CKAP5: variants seen among roughly 807,000 people sequenced by gnomAD.
The protein encoded by CKAP5 is cytoskeleton associated protein 5.
A neutral mutation model predicts 232.8 loss-of-function variants in CKAP5; 27 were observed. The ratio of observed to expected loss-of-function variants is 0.12; its 90% CI spans 0.09 to 0.16. The LOEUF (loss-of-function observed/expected upper bound fraction) is 0.16, where lower values mean the gene tolerates loss of function less well. Ranked by LOEUF, CKAP5 falls within the 10% of genes least tolerant of loss-of-function variation. CKAP5 has a pLI of 1.00. For missense variants in CKAP5, 1,838 were observed against 2,424.7 expected (o/e 0.76, Z 5.08); for synonymous variants, 785 against 841.1 (o/e 0.93, Z 1.16).
At chr11:46,797,562 A>G (rs1455107022) in intron 11 of CKAP5, among the ~76,000 whole-genome samples, 4 of 152,176 alleles carry the variant, frequency 2.6e-5, no homozygotes, top group African/African-American at 7.2e-5. Flanking sequence ...GAACACCAGT[A>G]TATGGGACAA....
At chr11:46,832,121 A>G (rs1939807366) in intron 1 of CKAP5, among the ~76,000 whole-genome samples, 2 of 152,120 alleles carry the variant, frequency 1.3e-5, no homozygotes, top group Admixed American at 1.3e-4. Context: ...CAGCCTCCCA[A>G]AGTGCTGGGA....
chr11:46,745,667 A>T (rs1413463505), intron 42 of CKAP5, among the ~76,000 whole-genome samples: 1 of 152,102 alleles, frequency 6.6e-6, no homozygotes, highest in African/African-American at 2.4e-5. Context: ...ACAAAAAGAG[A>T]CCCTGGCTGG....
At chr11:46,811,626 G>A (rs1393396366) in intron 4 of CKAP5, among the ~76,000 whole-genome samples, 1 of 151,998 alleles carries the variant, frequency 6.6e-6, no homozygotes, top group South Asian at 2.1e-4. Context: ...ACAGGCATGC[G>A]CCACCACGCC....
chr11:46,757,556 A>G (rs979722237), intron 35 of CKAP5, among the ~76,000 whole-genome samples: 5 of 151,730 alleles, frequency 3.3e-5, no homozygotes, highest in Non-Finnish European at 5.9e-5. Context: ...GGGTTGTTTT[A>G]TTTTTTATTT....
chr11:46,809,645 A>G, intron 6 of CKAP5, 97 bp downstream of exon 6: 1 of 1,459,416 alleles, frequency 6.9e-7, no homozygotes, highest in Middle Eastern at 1.7e-4. Context: ...ATTTTATTAA[A>G]GGCAATCCTA....
intron 1 of CKAP5, among the ~76,000 whole-genome samples, chr11:46,831,663 G>C (rs1243956714): frequency 6.6e-6 from 1 of 151,740 alleles, no homozygotes; most frequent in Non-Finnish European, 1.5e-5. Context: ...TGAGTAGCTA[G>C]GACTACTGGG....
At chr11:46,809,528 T>G (rs2134671088) in intron 6 of CKAP5, 28 bp from the exon 7 acceptor site, 1 of 1,525,180 alleles carries the variant, frequency 6.6e-7, no homozygotes, top group Non-Finnish European at 9.0e-7. Flanking sequence ...ACACAAACCT[T>G]AAAAATGCTT....
chr11:46,822,588 A>C (rs1939561205), intron 1 of CKAP5, among the ~76,000 whole-genome samples: 1 of 151,944 alleles, frequency 6.6e-6, no homozygotes, highest in African/African-American at 2.4e-5. Flanking sequence ...CATCTCTATT[A>C]AAAACACAAA....
At chr11:46,821,302 C>G in intron 1 of CKAP5, 34 bp from the exon 2 acceptor site, 3 of 999,138 alleles carry the variant, frequency 3.0e-6, no homozygotes, top group Non-Finnish European at 3.1e-6. Flanking sequence ...TGCTTAGCAA[C>G]CAGGCAGTCT....
chr11:46,773,746 G>A (rs948342723), intron 24 of CKAP5, among the ~76,000 whole-genome samples: 3 of 151,448 alleles, frequency 2.0e-5, no homozygotes, highest in Admixed American at 1.3e-4. Flanking sequence ...GTTTCACCAT[G>A]TTGGGCAGGC....
rs755755572 is a variant in CKAP5, at chr11:46,818,473, C to T, written c.88G>A (p.Glu30Lys). The T allele has an allele frequency of 3.8e-6, 6 of 1,597,530 alleles. No individual in the cohort carries two copies. Among genetic ancestry groups the T allele is most frequent in the Non-Finnish European group, 4.3e-6 (5 of 1,174,884 alleles). ...ATTTTCTGGAAGATCTTCAGGGCCTCTTCATACCCACTTAACCTTGCTTTC... is the reference window on the plus strand; with the variant it reads ...ATTTTCTGGAAGATCTTCAGGGCCTTTTCATACCCACTTAACCTTGCTTTC... ...LWKARLSGYE[E>K]ALKIFQKIKD... The change falls in exon 3 of 44, where the codon GAG becomes AAG. Residue 30 changes from glutamate to lysine, a missense_variant. Physicochemically the swap from Glu to Lys is moderately conservative, Grantham distance 56. Coordinates refer to ENST00000529230, the MANE Select transcript of CKAP5 (RefSeq NM_001008938.4).
At chr11:46,844,859 T>C (rs1456344528) in intron 1 of CKAP5, among the ~76,000 whole-genome samples, 3 of 152,096 alleles carry the variant, frequency 2.0e-5, no homozygotes, top group Non-Finnish European at 2.9e-5. Flanking sequence ...TTTCACCATG[T>C]TGGCCCGACT....
At chr11:46,844,477 CAGT>C (rs1324173968) in intron 1 of CKAP5, among the ~76,000 whole-genome samples, 2 of 152,066 alleles carry the variant, frequency 1.3e-5, no homozygotes, top group Non-Finnish European at 2.9e-5. Flanking sequence ...ACTGAACTGT[CAGT>C]AGTAGAAGAC....
intron 8 of CKAP5, among the ~76,000 whole-genome samples, chr11:46,802,607 G>GCACA (rs375389676): frequency 1.3e-5 from 2 of 149,144 alleles, no homozygotes; most frequent in African/African-American, 5.0e-5. Flanking sequence ...ATTTATAAAT[G>GCACA]CACACACACA....
Position 46,801,272 on chromosome 11 carries a change from C to A in CKAP5, c.1011G>T (p.Val337=), listed in dbSNP as rs747831602. 1.4e-5 allele frequency: 23 copies of A among 1,613,636 alleles called. No individual in the cohort carries two copies. Among genetic ancestry groups the A allele is most frequent in the Non-Finnish European group, 1.9e-5 (22 of 1,179,714 alleles). The change falls in exon 9 of 44, where the codon GTG becomes GTT. Residue 337 remains valine (V), a synonymous_variant. Transcript: ENST00000529230. ...CAGTAAGACATTTTGCTGCCAAAGC[C>A]ACCAACATGACATTGGTGTCCTTTC... is the stretch of plus-strand genomic sequence containing the variant. ...VVGKDTNVML[V]ALAAKCLTGL...
chr11:46,788,800 T>C, intron 15 of CKAP5, 27 bp from the exon 16 acceptor site: 1 of 1,505,852 alleles, frequency 6.6e-7, no homozygotes, highest in Non-Finnish European at 9.2e-7. Flanking sequence ...AGAATAAGAG[T>C]TTAAGGGTTA....
chr11:46,814,296 A>G (rs887378664), intron 4 of CKAP5, among the ~76,000 whole-genome samples: 2 of 152,154 alleles, frequency 1.3e-5, no homozygotes, highest in African/African-American at 4.8e-5. Context: ...TCAGAAAAAC[A>G]TCTGCTTACT....
chr11:46,760,430 A>C, intron 33 of CKAP5, 182 bp downstream of exon 33: 1 of 699,410 alleles, frequency 1.4e-6, no homozygotes, highest in African/African-American at 1.8e-5. Context: ...AGTGGTTTTG[A>C]GACAAAGACA....
intron 42 of CKAP5, among the ~76,000 whole-genome samples, chr11:46,745,617 A>T (rs1289092610): frequency 6.6e-6 from 1 of 152,036 alleles, no homozygotes; most frequent in Non-Finnish European, 1.5e-5. Context: ...CCACACTTTA[A>T]CTCCTAAGAG....
Sources: allele counts gnomAD v4.1 joint callset (sites outside exome capture counted in the v4.1 genomes callset), GRCh38; gene constraint gnomAD v4.1.1; transcripts MANE v1.5; gene names NCBI Gene and HGNC (gene_info 2026-07-23, HGNC 2026-07-21).